The following TRPC4 variants were observed in gnomAD, a reference collection of about 807,000 sequenced individuals.
TRPC4 encodes the protein short transient receptor potential channel 4.
Under a neutral mutation model 99.4 loss-of-function variants are expected in TRPC4, and 49 were observed. The observed-to-expected ratio is 0.49, with a 90% CI of 0.39 to 0.63. TRPC4 has a LOEUF of 0.63. Ranked by LOEUF, TRPC4 falls within the 20% of genes least tolerant of loss-of-function variation. The probability of loss-of-function intolerance (pLI) is 0.00; values close to 1 mark genes in which losing one functional copy is unlikely to be tolerated. For synonymous variants in TRPC4, 454 were observed against 425.9 expected, an observed-to-expected ratio of 1.07 and a Z score of -0.81; for missense variants, 898 against 1,152.9, an observed-to-expected ratio of 0.78 and a Z score of 3.20.
intron 1 of TRPC4, among the ~76,000 whole-genome samples, chr13:37,867,497 G>T (rs1255479848): frequency 5.3e-5 from 1 of 18,994 alleles, no homozygotes; most frequent in African/African-American, 1.8e-4. Flanking sequence ...CATCTTAAAG[G>T]GGGTTATTAT....
chr13:37,827,152 G>A (rs1036469075), intron 1 of TRPC4, among the ~76,000 whole-genome samples: 11 of 151,856 alleles, frequency 7.2e-5, no homozygotes, highest in African/African-American at 2.2e-4. Flanking sequence ...CTCTGTATTG[G>A]TTATTCTAGT....
intron 1 of TRPC4, among the ~76,000 whole-genome samples, chr13:37,843,942 G>T (rs1455134571): frequency 6.6e-6 from 1 of 152,128 alleles, no homozygotes; most frequent in Non-Finnish European, 1.5e-5. Context: ...CTCCTTGATT[G>T]TGCCACCCCT....
chr13:37,652,548 C>T (rs992817655), intron 7 of TRPC4, among the ~76,000 whole-genome samples: 4 of 152,166 alleles, frequency 2.6e-5, no homozygotes, highest in Admixed American at 6.6e-5. Context: ...CCACATAAAT[C>T]GGAACACAGA....
intron 1 of TRPC4, among the ~76,000 whole-genome samples, chr13:37,788,089 T>G (rs1957017509): frequency 6.6e-6 from 1 of 151,904 alleles, no homozygotes; most frequent in African/African-American, 2.4e-5. Flanking sequence ...ACCCTGAGAG[T>G]TAGAAAATAC....
intron 1 of TRPC4, among the ~76,000 whole-genome samples, chr13:37,851,221 A>T (rs1959046076): frequency 6.6e-6 from 1 of 152,184 alleles, no homozygotes; most frequent in Non-Finnish European, 1.5e-5. Flanking sequence ...CTGTGATTGG[A>T]TTAGATGATT....
At chr13:37,723,027 G>A (rs1954927362) in intron 3 of TRPC4, among the ~76,000 whole-genome samples, 1 of 152,126 alleles carries the variant, frequency 6.6e-6, no homozygotes, top group Non-Finnish European at 1.5e-5. Flanking sequence ...CTACGACACT[G>A]AGTTAGTACC....
intron 5 of TRPC4, among the ~76,000 whole-genome samples, chr13:37,664,402 C>T (rs1479630650): frequency 5.9e-5 from 9 of 151,974 alleles, no homozygotes; most frequent in Admixed American, 3.9e-4. Context: ...GGAGAAACCC[C>T]GTCTCTACTA....
At chr13:37,711,769 G>A (rs1186325139) in intron 3 of TRPC4, among the ~76,000 whole-genome samples, 1 of 151,920 alleles carries the variant, frequency 6.6e-6, no homozygotes, top group African/African-American at 2.4e-5. Context: ...GTACAGTGCT[G>A]TCCCCCAAAA....
intron 8 of TRPC4, among the ~76,000 whole-genome samples, chr13:37,641,312 A>G (rs974059320): frequency 1.3e-5 from 2 of 152,202 alleles, no homozygotes; most frequent in Non-Finnish European, 2.9e-5. Flanking sequence ...TCACTATGGT[A>G]CCTTTCAGGC....
At chr13:37,659,455 T>C (rs1484161097) in intron 6 of TRPC4, among the ~76,000 whole-genome samples, 1 of 152,128 alleles carries the variant, frequency 6.6e-6, no homozygotes, top group Non-Finnish European at 1.5e-5. Flanking sequence ...ACCTCTTTTC[T>C]TTATAAATTA....
At chr13:37,760,683 A>G (rs1435060164) in intron 2 of TRPC4, among the ~76,000 whole-genome samples, 1 of 151,972 alleles carries the variant, frequency 6.6e-6, no homozygotes, top group Non-Finnish European at 1.5e-5. Flanking sequence ...ACAAATTCGC[A>G]AACTTTCCTA....
intron 1 of TRPC4, among the ~76,000 whole-genome samples, chr13:37,866,316 A>G (rs1361431824): frequency 2.0e-5 from 3 of 151,786 alleles, no homozygotes. Context: ...GAGATAAAAC[A>G]TACACTAATA....
At chr13:37,653,993 G>A (rs957150339) in intron 7 of TRPC4, among the ~76,000 whole-genome samples, 7 of 152,042 alleles carry the variant, frequency 4.6e-5, no homozygotes, top group Non-Finnish European at 8.8e-5. Context: ...ACAAATTCGG[G>A]TATTAACCTC....
intron 8 of TRPC4, among the ~76,000 whole-genome samples, chr13:37,649,395 T>C (rs1390931023): frequency 6.6e-6 from 1 of 152,098 alleles, no homozygotes; most frequent in Non-Finnish European, 1.5e-5. Context: ...CCTCAAATTC[T>C]AGTTCAGTTA....
At chr13:37,767,590 A>G (rs1206095771) in intron 2 of TRPC4, among the ~76,000 whole-genome samples, 1 of 151,282 alleles carries the variant, frequency 6.6e-6, no homozygotes, top group Non-Finnish European at 1.5e-5. Flanking sequence ...AGAAAAATAT[A>G]TATATTCCCA....
chr13:37,664,194 G>C (rs1052575577), intron 5 of TRPC4, among the ~76,000 whole-genome samples: 4 of 152,156 alleles, frequency 2.6e-5, no homozygotes, highest in African/African-American at 9.7e-5. Context: ...TAAAATGTCA[G>C]ATTTGAATTA....
intron 2 of TRPC4, among the ~76,000 whole-genome samples, chr13:37,750,707 G>A (rs1955909875): frequency 6.6e-6 from 1 of 152,008 alleles, no homozygotes; most frequent in African/African-American, 2.4e-5. Context: ...GTGCAGGTTT[G>A]TTACATAGGT....
At chr13:37,669,247 T>C (rs1952755317) in intron 5 of TRPC4, among the ~76,000 whole-genome samples, 1 of 152,154 alleles carries the variant, frequency 6.6e-6, no homozygotes, top group Non-Finnish European at 1.5e-5. Flanking sequence ...TGCCAAACTG[T>C]TGAAGATAAA....
intron 2 of TRPC4, among the ~76,000 whole-genome samples, chr13:37,774,309 T>C (rs917930816): frequency 1.1e-4 from 17 of 151,888 alleles, no homozygotes; most frequent in African/African-American, 4.1e-4. Flanking sequence ...AGTTCTCACA[T>C]ACTCAAAGCT....
Sources: allele counts gnomAD v4.1 joint callset (sites outside exome capture counted in the v4.1 genomes callset), GRCh38; gene constraint gnomAD v4.1.1; transcripts MANE v1.5; gene names NCBI Gene and HGNC (gene_info 2026-07-23, HGNC 2026-07-21).